The following SLC25A26 variants were observed in gnomAD, a reference collection of about 807,000 sequenced individuals.
The protein encoded by SLC25A26 is mitochondrial S-adenosylmethionine carrier protein.
Under a neutral mutation model 37.8 loss-of-function variants are expected in SLC25A26, and 36 were observed. The observed-to-expected ratio is 0.95, with a 90% CI of 0.73 to 1.26. SLC25A26 has a LOEUF of 1.26. Among genes scored for constraint, SLC25A26 ranks in the 50% most tolerant of loss-of-function variants. The probability of loss-of-function intolerance (pLI) is 0.00; values close to 1 mark genes in which losing one functional copy is unlikely to be tolerated. For synonymous variants in SLC25A26, 129 were observed against 122.5 expected (o/e 1.05, Z -0.35); for missense variants, 390 against 331.1 (o/e 1.18, Z -1.38).
chr3:66,139,638 A>T (rs1413497146), intron 1 of SLC25A26, among the ~76,000 whole-genome samples: 2 of 152,212 alleles, frequency 1.3e-5, no homozygotes, highest in Non-Finnish European at 2.9e-5. Flanking sequence ...TGGCCATTTC[A>T]TTACAGAACT....
chr3:66,308,407 A>T (rs1320710760), intron 5 of SLC25A26, among the ~76,000 whole-genome samples: 1 of 152,216 alleles, frequency 6.6e-6, no homozygotes, highest in Non-Finnish European at 1.5e-5. Flanking sequence ...TGGGGCTGCG[A>T]TGATGGAGTT....
chr3:66,270,992 G>T (rs907540807), intron 5 of SLC25A26, among the ~76,000 whole-genome samples: 2 of 152,166 alleles, frequency 1.3e-5, no homozygotes, highest in Admixed American at 1.3e-4. Flanking sequence ...TCCTGAAGGG[G>T]CACCAGTTCC....
intron 4 of SLC25A26, 100 bp from the exon 5 acceptor site, chr3:66,263,232 T>C: frequency 1.2e-6 from 1 of 813,538 alleles, no homozygotes. Context: ...TTGTGAATGT[T>C]CTAGAACTCA....
chr3:66,193,968 A>C (rs2070994875), intron 1 of SLC25A26, among the ~76,000 whole-genome samples: 1 of 152,202 alleles, frequency 6.6e-6, no homozygotes, highest in Non-Finnish European at 1.5e-5. Flanking sequence ...AGCGTGCCTC[A>C]ACACTTGAAA....
intron 1 of SLC25A26, among the ~76,000 whole-genome samples, chr3:66,215,120 C>G (rs902817371): frequency 1.3e-5 from 2 of 152,008 alleles, no homozygotes; most frequent in African/African-American, 4.8e-5. Flanking sequence ...TACTCTGTCT[C>G]AAAAACAAAC....
At chr3:66,176,685 G>T (rs1197769303) in intron 1 of SLC25A26, among the ~76,000 whole-genome samples, 1 of 152,190 alleles carries the variant, frequency 6.6e-6, no homozygotes, top group Non-Finnish European at 1.5e-5. Flanking sequence ...TCTAACATCA[G>T]ATCATACCTA....
upstream of SLC25A26, among the ~76,000 whole-genome samples, chr3:66,217,018 G>A (rs1200660153): frequency 9.9e-5 from 15 of 152,122 alleles, no homozygotes; most frequent in Non-Finnish European, 1.6e-4. Flanking sequence ...GAAATACCTG[G>A]TAAAGCCTTT....
intron 6 of SLC25A26, 74 bp from the exon 7 acceptor site, chr3:66,362,786 A>G: frequency 1.0e-6 from 1 of 997,416 alleles, no homozygotes; most frequent in Non-Finnish European, 1.4e-6. Context: ...TCCCATCCCC[A>G]GAGCTAACCC....
chr3:66,308,279 C>T (rs1268894200), intron 5 of SLC25A26, among the ~76,000 whole-genome samples: 1 of 152,136 alleles, frequency 6.6e-6, no homozygotes, highest in African/African-American at 2.4e-5. Flanking sequence ...AATGGGCGTT[C>T]ACTCATGATT....
chr3:66,238,185 A>G (rs1225635161), intron 2 of SLC25A26, among the ~76,000 whole-genome samples: 1 of 152,212 alleles, frequency 6.6e-6, no homozygotes, highest in African/African-American at 2.4e-5. Flanking sequence ...TTAAACAAAT[A>G]CAGTTGACCC....
At chr3:66,141,312 G>C (rs1335446088) in intron 1 of SLC25A26, among the ~76,000 whole-genome samples, 4 of 151,374 alleles carry the variant, frequency 2.6e-5, no homozygotes, top group Non-Finnish European at 4.4e-5. Flanking sequence ...TATGTGGTCT[G>C]GCCTCGAGGG....
chr3:66,146,920 A>G (rs1048116626), intron 1 of SLC25A26, among the ~76,000 whole-genome samples: 1 of 152,008 alleles, frequency 6.6e-6, no homozygotes, highest in African/African-American at 2.4e-5. Context: ...GTGAGAACAT[A>G]CAGTATTTGG....
chr3:66,140,049 T>A (rs1332934870), intron 1 of SLC25A26, among the ~76,000 whole-genome samples: 1 of 152,162 alleles, frequency 6.6e-6, no homozygotes, highest in African/African-American at 2.4e-5. Context: ...AACTGAGAGA[T>A]CAGAGCTTCA....
At chr3:66,344,924 G>A (rs542034319) in intron 5 of SLC25A26, among the ~76,000 whole-genome samples, 24 of 152,272 alleles carry the variant, frequency 1.6e-4, no homozygotes, top group African/African-American at 4.8e-4. Context: ...GCCTTTAGGC[G>A]TTACACAGCG....
intron 1 of SLC25A26, among the ~76,000 whole-genome samples, chr3:66,196,860 C>T (rs1302262229): frequency 2.0e-5 from 3 of 151,984 alleles, no homozygotes; most frequent in Non-Finnish European, 2.9e-5. Context: ...AAGTTAAAAA[C>T]CATCTGGGTC....
intron 5 of SLC25A26, among the ~76,000 whole-genome samples, chr3:66,314,577 G>T (rs2075477383): frequency 6.6e-6 from 1 of 151,896 alleles, no homozygotes; most frequent in African/African-American, 2.4e-5. Flanking sequence ...CTGAAGTTTT[G>T]TTTTTTGTTG....
At chr3:66,168,334 T>C (rs2070453832) in intron 1 of SLC25A26, among the ~76,000 whole-genome samples, 1 of 151,934 alleles carries the variant, frequency 6.6e-6, no homozygotes, top group Non-Finnish European at 1.5e-5. Context: ...TGGCTGCTGT[T>C]GCGGGTGATA....
intron 6 of SLC25A26, among the ~76,000 whole-genome samples, chr3:66,357,054 C>T (rs759341762): frequency 6.6e-5 from 10 of 152,110 alleles, no homozygotes; most frequent in Non-Finnish European, 1.2e-4. Flanking sequence ...GAAAAATTAC[C>T]GAAGTGAAAC....
At position 66,332,286 on chromosome 3, in the gene SLC25A26, T is replaced by C. The variant is rs548353598; in HGVS notation, c.454-14078T>C. On this transcript the variant is annotated intron_variant, in intron 5 of 9. Transcript: ENST00000354883. ...ACCTACTCCTACTGTGTTTAGCCCT[T>C]CTTCCAATGCTTTGATATTCCTTTG... Among the ~76,000 whole-genome samples the C allele has an allele frequency of 2.6e-5, 4 of 152,266 alleles. No individual in the cohort carries two copies. The South Asian group carries it at 8.3e-4, about 32-fold the overall frequency.
Sources: allele counts gnomAD v4.1 joint callset (sites outside exome capture counted in the v4.1 genomes callset), GRCh38; gene constraint gnomAD v4.1.1; transcripts MANE v1.5; gene names NCBI Gene and HGNC (gene_info 2026-07-23, HGNC 2026-07-21).